UBA6: variants seen among roughly 807,000 people sequenced by gnomAD.
UBA6 encodes the protein ubiquitin-like modifier-activating enzyme 6.
In UBA6, 87 loss-of-function variants were observed where a neutral mutation model predicts 148.3. The ratio of observed to expected loss-of-function variants is 0.59; its 90% CI spans 0.49 to 0.70. The LOEUF (loss-of-function observed/expected upper bound fraction) is 0.70. Among genes scored for constraint, UBA6 ranks in the 30% least tolerant of loss-of-function variants. The pLI, the probability that UBA6 is intolerant of heterozygous loss-of-function variation, is 0.00. For missense variants in UBA6, 1,186 were observed against 1,241.2 expected (o/e 0.96, Z 0.67); for synonymous variants, 376 against 401.0 (o/e 0.94, Z 0.75).
chr4:67,648,692 T>TAG (rs1729481737), intron 14 of UBA6, among the ~76,000 whole-genome samples: 1 of 152,004 alleles, frequency 6.6e-6, no homozygotes, highest in Non-Finnish European at 1.5e-5. Context: ...AGTTTATACC[T>TAG]AGAAAGGGAA....
rs768686804 is a variant in UBA6 at position 67,644,782 on chromosome 4, T to C, written c.1396-4A>G. The C allele has an allele frequency of 5.1e-6, 8 of 1,578,532 alleles. No individual in the cohort carries two copies. Among genetic ancestry groups the C allele is most frequent in the Admixed American group, 3.3e-5 (2 of 59,714 alleles). On this transcript the variant is annotated splice_polypyrimidine_tract_variant and splice_region_variant and intron_variant, in intron 16 of 32. Coordinates refer to ENST00000322244, the MANE Select transcript of UBA6 (RefSeq NM_018227.6). ...AGCCTATGGCTCCACACCCTACCTATGGAGGAGAAAAATGGTATATATCAG... is the reference window on the plus strand; with the variant it reads ...AGCCTATGGCTCCACACCCTACCTACGGAGGAGAAAAATGGTATATATCAG...
Position 67,635,533 on chromosome 4 carries a change from G to A in UBA6, c.1762C>T (p.Leu588Phe). ...DSRCLANLRP[L>F]LDSGTMGTKG... ...GTGCCCATTGTTCCAGAATCTAAAA[G>A]AGGCCTTAGATTTGCTAAGCAACGA... The change falls in exon 20 of 33, where the codon CTT (leucine) becomes TTT (phenylalanine). Residue 588 changes from leucine (L) to phenylalanine (F), a missense_variant. Leu to Phe is a conservative substitution (Grantham distance 22). Coordinates refer to ENST00000322244, the MANE Select transcript of UBA6 (RefSeq NM_018227.6). 6.2e-7 allele frequency: 1 copy of A among 1,612,236 alleles called. No individual in the cohort carries two copies. Among genetic ancestry groups the A allele is most frequent in the African/African-American group, 1.3e-5 (1 of 74,992 alleles).
intron 17 of UBA6, among the ~76,000 whole-genome samples, chr4:67,641,671 T>G (rs1486594942): frequency 9.1e-6 from 1 of 109,678 alleles, no homozygotes; most frequent in Non-Finnish European, 2.0e-5. Context: ...GGTCTTGAAC[T>G]CCTAACCCCC....
At chr4:67,638,639 G>C (rs1165610866) in intron 19 of UBA6, among the ~76,000 whole-genome samples, 2 of 152,106 alleles carry the variant, frequency 1.3e-5, no homozygotes, top group Non-Finnish European at 2.9e-5. Context: ...AAAAACAAAA[G>C]ACAGCCAAAA....
At chr4:67,640,092 A>C (rs1214735695) in intron 18 of UBA6, among the ~76,000 whole-genome samples, 2 of 152,222 alleles carry the variant, frequency 1.3e-5, no homozygotes, top group Non-Finnish European at 2.9e-5. Flanking sequence ...TCTTTAGGCC[A>C]TTCTGTTTAA....
At chr4:67,668,777 A>C in intron 8 of UBA6, 103 bp from the exon 9 acceptor site, 3 of 1,126,812 alleles carry the variant, frequency 2.7e-6, no homozygotes, top group Non-Finnish European at 3.7e-6. Flanking sequence ...TAAAATTCTC[A>C]AAACCGAAAT....
Position 67,678,459 on chromosome 4 carries a change from A to T in UBA6, c.333T>A (p.Asp111Glu). 1 of 1,600,316 alleles carries T rather than the reference A, an allele frequency of 6.2e-7. No homozygotes were observed. Among genetic ancestry groups the T allele is most frequent in the Non-Finnish European group, 8.5e-7 (1 of 1,171,974 alleles). ...TTTACCTGTTTCTCTTATTAACAAC[A>T]TCATCTTCACTGAGAAAGAAGTTGG... ...LGTNFFLSED[D>E]VVNKRNRAEA... Residue 111 changes from aspartate (D) to glutamate (E), a missense_variant, in exon 5 of 33, where the codon GAT (aspartate) becomes GAA (glutamate). Physicochemically the swap from Asp to Glu is conservative, Grantham distance 45. Coordinates refer to ENST00000322244, the MANE Select transcript of UBA6 (RefSeq NM_018227.6).
chr4:67,634,446 G>C lies in UBA6; in HGVS notation c.1915C>G (p.Gln639Glu), dbSNP rs1488831941. 1 of 1,587,000 alleles carries C rather than the reference G, an allele frequency of 6.3e-7. No homozygotes were observed. Among genetic ancestry groups the C allele is most frequent in the African/African-American group, 1.4e-5 (1 of 73,072 alleles). ...SFPAAIEHTI[Q>E]WARDKFESSF... ...ACTTTTACCTTATCTCTTGCCCACT[G>C]TATGGTATGTTCAATAGCAGCTGGA... Residue 639 changes from glutamine to glutamate, a missense_variant, in exon 21 of 33, where the codon CAG becomes GAG. Transcript: ENST00000322244.
At chr4:67,687,327 CCCGA>C (rs1446791044) in intron 2 of UBA6, among the ~76,000 whole-genome samples, 1 of 152,074 alleles carries the variant, frequency 6.6e-6, no homozygotes, top group East Asian at 1.9e-4. Flanking sequence ...AGCCACTGCA[CCCGA>C]CCAATATTAT....
intron 10 of UBA6, among the ~76,000 whole-genome samples, chr4:67,664,799 A>G (rs1364365242): frequency 2.6e-5 from 4 of 152,148 alleles, no homozygotes; most frequent in African/African-American, 9.6e-5. Flanking sequence ...TAGAAAATTA[A>G]ATAATAATAA....
intron 25 of UBA6, among the ~76,000 whole-genome samples, 165 bp downstream of exon 25, chr4:67,631,543 G>C (rs900085860): frequency 6.6e-6 from 1 of 152,122 alleles, no homozygotes; most frequent in African/African-American, 2.4e-5. Flanking sequence ...GAAGGGTTGT[G>C]GCTGGCTTTC....
chr4:67,655,523 G>C (rs1729664922), intron 13 of UBA6, among the ~76,000 whole-genome samples: 1 of 152,192 alleles, frequency 6.6e-6, no homozygotes, highest in South Asian at 2.1e-4. Context: ...CAGAATCTCT[G>C]AGACACATTC....
At chr4:67,666,058 T>C (rs1729988473) in intron 9 of UBA6, among the ~76,000 whole-genome samples, 1 of 152,190 alleles carries the variant, frequency 6.6e-6, no homozygotes. Context: ...CATGGTGGCA[T>C]GTGCCTGTAG....
intron 30 of UBA6, among the ~76,000 whole-genome samples, 188 bp from the exon 31 acceptor site, chr4:67,623,410 A>G (rs1728797440): frequency 6.6e-6 from 1 of 152,200 alleles, no homozygotes; most frequent in African/African-American, 2.4e-5. Flanking sequence ...CACATCATAT[A>G]GATAACCACT....
chr4:67,682,408 C>T (rs1730465435), intron 2 of UBA6, among the ~76,000 whole-genome samples, 195 bp from the exon 3 acceptor site: 2 of 152,112 alleles, frequency 1.3e-5, no homozygotes, highest in Admixed American at 1.3e-4. Flanking sequence ...GATAATTTGG[C>T]ACCACAATCC....
intron 13 of UBA6, among the ~76,000 whole-genome samples, chr4:67,650,969 G>C (rs775252610): frequency 3.3e-5 from 5 of 152,032 alleles, no homozygotes; most frequent in African/African-American, 4.8e-5. Flanking sequence ...ACCACAAAAA[G>C]GTCATCCATT....
chr4:67,683,665 G>A (rs1444706130), intron 2 of UBA6, among the ~76,000 whole-genome samples: 4 of 151,800 alleles, frequency 2.6e-5, no homozygotes, highest in African/African-American at 7.3e-5. Context: ...TGTGGCCCAG[G>A]GAAGCAAAAA....
intron 18 of UBA6, among the ~76,000 whole-genome samples, chr4:67,640,268 C>G (rs906141379): frequency 6.6e-6 from 1 of 152,088 alleles, no homozygotes; most frequent in Non-Finnish European, 1.5e-5. Context: ...TAAAATGCAC[C>G]AAGTTAAGCA....
chr4:67,636,411 C>G (rs1456478682), intron 19 of UBA6, among the ~76,000 whole-genome samples: 1 of 152,176 alleles, frequency 6.6e-6, no homozygotes, highest in East Asian at 1.9e-4. Context: ...CTCCCTCTCC[C>G]TCTCTTTCCA....
Sources: gnomAD v4.1 joint callset for allele counts (sites outside exome capture counted in the v4.1 genomes callset) on GRCh38, gnomAD v4.1.1 for gene constraint, MANE v1.5 for transcripts, NCBI Gene and HGNC (gene_info 2026-07-23, HGNC 2026-07-21) for gene names.